The following NEMF variants were observed in gnomAD, a reference collection of about 807,000 sequenced individuals.
The protein encoded by NEMF is ribosome quality control complex subunit NEMF.
NEMF carries 89 observed loss-of-function variants against 162.2 expected under a neutral mutation model. That is an observed-to-expected ratio of 0.55 (90% CI 0.46 to 0.65). NEMF has a LOEUF of 0.65. Ranked by LOEUF, NEMF falls within the 30% of genes least tolerant of loss-of-function variation. The pLI is 0.00. For missense variants in NEMF, 1,133 were observed against 1,261.9 expected (o/e 0.90, Z 1.55); for synonymous variants, 421 against 404.5 (o/e 1.04, Z -0.49).
At chr14:49,838,274 A>G (rs1893006688) in intron 5 of NEMF, 68 bp from the exon 6 acceptor site, 1 of 1,253,464 alleles carries the variant, frequency 8.0e-7, no homozygotes, top group African/African-American at 1.5e-5. Flanking sequence ...TCATATTAAT[A>G]CTACTTTCAT....
chr14:49,807,755 G>A (rs552845973), intron 18 of NEMF, among the ~76,000 whole-genome samples: 5 of 151,732 alleles, frequency 3.3e-5, no homozygotes, highest in Admixed American at 6.6e-5. Flanking sequence ...CACTACGCCC[G>A]GCTAATTTTT....
At chr14:49,810,104 C>T (rs187667471) in intron 18 of NEMF, among the ~76,000 whole-genome samples, 2,460 of 152,084 alleles carry the variant, frequency 0.016, 32 homozygotes, top group Non-Finnish European at 0.024. Context: ...TGCGGTGGCT[C>T]GTGCCTGTAA....
At position 49,789,187 on chromosome 14, in the gene NEMF, C is replaced by G; in HGVS notation, c.2854G>C (p.Glu952Gln). 3.1e-6 allele frequency: 5 copies of G among 1,614,120 alleles called. No individual in the cohort carries two copies. Among genetic ancestry groups the G allele is most frequent in the Non-Finnish European group, 4.2e-6 (5 of 1,180,012 alleles). ...ETPFLEVITH[E>Q]LQDFAVDDPH... ...TCATCTACAGCAAAGTCTTGTAACT[C>G]ATGAGTTATAACCTCAAGGAACGGA... is the stretch of plus-strand genomic sequence containing the variant. The change falls in exon 28 of 33, where the codon GAG becomes CAG. Residue 952 changes from glutamate (E) to glutamine (Q), a missense_variant. By Grantham distance (29) the Glu-to-Gln change is conservative (BLOSUM62 2). This residue lies in a region of NEMF where 532 missense variants were observed against 578.6 expected (regional missense o/e 0.92). Transcript: ENST00000298310.
chr14:49,807,680 T>C (rs1005797082), intron 18 of NEMF, among the ~76,000 whole-genome samples: 1 of 143,800 alleles, frequency 7.0e-6, no homozygotes, highest in African/African-American at 2.6e-5. Flanking sequence ...CACTGCAACC[T>C]CCACCACCTG....
At chr14:49,820,790 G>C (rs28561695) in intron 16 of NEMF, among the ~76,000 whole-genome samples, 8 of 152,078 alleles carry the variant, frequency 5.3e-5, no homozygotes, top group Admixed American at 5.2e-4. Flanking sequence ...ACTGGTTTTC[G>C]TATTTTTTTG....
intron 11 of NEMF, among the ~76,000 whole-genome samples, chr14:49,829,631 C>A (rs1892540671): frequency 6.6e-6 from 1 of 152,172 alleles, no homozygotes; most frequent in South Asian, 2.1e-4. Context: ...CTAACTCCCA[C>A]TCCTTATATA....
chr14:49,792,673 GACTA>G (rs1231733637), intron 26 of NEMF, among the ~76,000 whole-genome samples: 1 of 152,134 alleles, frequency 6.6e-6, no homozygotes, highest in Admixed American at 6.5e-5. Context: ...ATACCATACT[GACTA>G]ACAGATAAAA....
intron 12 of NEMF, 38 bp downstream of exon 12, chr14:49,829,311 C>G: frequency 6.2e-7 from 1 of 1,613,278 alleles, no homozygotes; most frequent in Non-Finnish European, 8.5e-7. Flanking sequence ...TTAAAGTTAA[C>G]ATTTTTGAAA....
At position 49,821,290 on chromosome 14, in the gene NEMF, C is replaced by T. The variant is rs868170778; in HGVS notation, c.1577+4577G>A. On this transcript the variant is annotated intron_variant, in intron 16 of 32. Transcript: ENST00000298310. ...GGGCTCAGCCCCCCGCCCGGCCAGC[C>T]GCCCCGTCCGGGAGGGAGGTGGGGG... Among the ~76,000 whole-genome samples, 11 of 10,096 alleles carry T rather than the reference C, an allele frequency of 1.1e-3. 4 individuals are homozygous for T. Among genetic ancestry groups the T allele is most frequent in the Admixed American group, 4.1e-3 (2 of 486 alleles). The allele number at this position is 10,096 out of a possible 152,430, so 6.6% of individuals were successfully genotyped here. A position where few individuals can be genotyped will look rare whatever the true frequency, so the allele number is the denominator to read the frequency against.
At chr14:49,824,177 A>G (rs938177107) in intron 16 of NEMF, among the ~76,000 whole-genome samples, 2 of 151,942 alleles carry the variant, frequency 1.3e-5, no homozygotes, top group Non-Finnish European at 1.5e-5. Context: ...CTCAAAAAAA[A>G]TAAAATAAAT....
At position 49,840,819 on chromosome 14, in the gene NEMF, T is replaced by C. The variant is rs779749536; in HGVS notation, c.405A>G (p.Leu135=). The C allele has an allele frequency of 5.6e-6, 9 of 1,613,514 alleles. No homozygotes were observed. The highest frequency in any genetic ancestry group is 6.8e-6 in the Non-Finnish European group (8 of 1,179,592). The change falls in exon 5 of 33, where the codon CTA becomes CTG. Residue 135 remains leucine, a synonymous_variant. Transcript: ENST00000298310. The part of the protein sequence containing the change: ...TDYEYVILNI[L]RFRTDEADDV... ...CATCTGCCTCATCAGTTCGAAACCT[T>C]AGAATATTTAAAATTACGTACTCAT...
chr14:49,816,096 T>C (rs1184034701), intron 16 of NEMF, among the ~76,000 whole-genome samples: 6 of 152,214 alleles, frequency 3.9e-5, no homozygotes, highest in African/African-American at 1.4e-4. Context: ...CAAGATTCTT[T>C]ATACATAGAA....
At chr14:49,833,994 T>C (rs139236796) in intron 7 of NEMF, 283 of 320,706 alleles carry the variant, frequency 8.8e-4, no homozygotes, top group African/African-American at 5.3e-3. Flanking sequence ...CCAGCACCTG[T>C]TGTCATTTTA....
chr14:49,798,908 A>C, intron 25 of NEMF, among the ~76,000 whole-genome samples: 1 of 151,582 alleles, frequency 6.6e-6, no homozygotes, highest in East Asian at 1.9e-4. Context: ...CTCCATCTCA[A>C]AAAAAAAGAA....
intron 3 of NEMF, among the ~76,000 whole-genome samples, chr14:49,848,605 G>C (rs567447742): frequency 6.6e-6 from 1 of 152,200 alleles, no homozygotes; most frequent in South Asian, 2.1e-4. Context: ...GGGAGGCCGA[G>C]GCAGGCGGAT....
chr14:49,799,450 A>G, intron 25 of NEMF, 25 bp downstream of exon 25: 5 of 1,566,248 alleles, frequency 3.2e-6, no homozygotes, highest in Non-Finnish European at 4.3e-6. Context: ...CATGCTTTTT[A>G]GTTAATTAAC....
At chr14:49,820,500 G>A (rs761210781) in intron 16 of NEMF, 13 of 456,442 alleles carry the variant, frequency 2.8e-5, no homozygotes, top group South Asian at 2.0e-4. Context: ...TGGGCGCGGT[G>A]GCTCATGCCT....
intron 16 of NEMF, among the ~76,000 whole-genome samples, chr14:49,822,360 A>T (rs1892114724): frequency 1.3e-5 from 2 of 151,696 alleles, no homozygotes; most frequent in African/African-American, 4.8e-5. Flanking sequence ...GGAAAAAAAA[A>T]AAGTACAAAA....
chr14:49,788,874 T>C (rs7150226), intron 28 of NEMF, among the ~76,000 whole-genome samples: 147,485 of 152,262 alleles, frequency 0.97, 71,626 homozygotes, highest in East Asian at 1. Flanking sequence ...CTTAATTTAA[T>C]TCAGTTCCCA....
Sources: gnomAD v4.1 joint callset for allele counts (sites outside exome capture counted in the v4.1 genomes callset) on GRCh38, gnomAD v4.1.1 for gene constraint, gnomAD v4.1.1 regional missense constraint, MANE v1.5 for transcripts, NCBI Gene and HGNC (gene_info 2026-07-23, HGNC 2026-07-21) for gene names.